The following NCOA2 variants were observed in gnomAD, a reference collection of about 807,000 sequenced individuals.
The protein encoded by NCOA2 is class E basic helix-loop-helix protein 75.
A neutral mutation model predicts 145.1 loss-of-function variants in NCOA2; 21 were observed. The observed-to-expected ratio is 0.14, with a 90% CI of 0.10 to 0.21. The LOEUF is 0.21. Among genes scored for constraint, NCOA2 ranks in the 10% least tolerant of loss-of-function variants. NCOA2 has a pLI of 1.00. For missense variants in NCOA2, 1,472 were observed against 1,837.6 expected (o/e 0.80, Z 3.64); for synonymous variants, 619 against 637.5 (o/e 0.97, Z 0.44).
At chr8:70,157,744 G>A (rs1005596325) in intron 10 of NCOA2, among the ~76,000 whole-genome samples, 1 of 152,140 alleles carries the variant, frequency 6.6e-6, no homozygotes, top group Non-Finnish European at 1.5e-5. Flanking sequence ...ACTGTTAAAA[G>A]AGAAACTCTG....
chr8:70,450,320 A>G, the NCOA2 span, among the ~76,000 whole-genome samples: 2 of 152,208 alleles, frequency 1.3e-5, no homozygotes, highest in Admixed American at 6.5e-5. Context: ...TGTGAATGGG[A>G]TTAGGGTCCT....
chr8:70,216,537 C>T (rs1819636470), intron 3 of NCOA2, 123 bp downstream of exon 3: 4 of 751,384 alleles, frequency 5.3e-6, no homozygotes, highest in Admixed American at 2.1e-5. Flanking sequence ...AGAGATTTAA[C>T]TGTTAAGGAG....
the NCOA2 span, among the ~76,000 whole-genome samples, chr8:70,442,144 A>AAAGAAAGG: frequency 4.3e-3 from 551 of 128,484 alleles, 2 homozygotes; most frequent in African/African-American, 0.016. Context: ...AGAAAGAAAG[A>AAAGAAAGG]AAGAAAGAAA....
At chr8:70,353,313 A>C (rs904169368) in intron 1 of NCOA2, among the ~76,000 whole-genome samples, 1 of 151,290 alleles carries the variant, frequency 6.6e-6, no homozygotes, top group Middle Eastern at 3.4e-3. Context: ...GCAGTGGCAC[A>C]ATCACAGCTC....
intron 2 of NCOA2, among the ~76,000 whole-genome samples, chr8:70,276,016 A>T (rs1825438177): frequency 6.6e-6 from 1 of 152,206 alleles, no homozygotes; most frequent in South Asian, 2.1e-4. Flanking sequence ...AAACATCTAG[A>T]ATTGTTCCTC....
intron 2 of NCOA2, among the ~76,000 whole-genome samples, chr8:70,288,361 C>T (rs536454962): frequency 6.6e-6 from 1 of 152,128 alleles, no homozygotes; most frequent in Admixed American, 6.5e-5. Flanking sequence ...GGCAGATCCC[C>T]TGAGGTTAGG....
At chr8:70,301,849 G>C (rs1827532451) in intron 1 of NCOA2, among the ~76,000 whole-genome samples, 1 of 151,824 alleles carries the variant, frequency 6.6e-6, no homozygotes, top group Non-Finnish European at 1.5e-5. Flanking sequence ...AAGCCAGCCA[G>C]ACAGACTGGC....
At chr8:70,120,231 A>G (rs895684674) in intron 22 of NCOA2, among the ~76,000 whole-genome samples, 1 of 152,190 alleles carries the variant, frequency 6.6e-6, no homozygotes, top group African/African-American at 2.4e-5. Flanking sequence ...AGGATTTTTT[A>G]AAAAAGAGCT....
intron 4 of NCOA2, among the ~76,000 whole-genome samples, chr8:70,177,814 T>C (rs2132859473): frequency 6.6e-6 from 1 of 152,328 alleles, no homozygotes; most frequent in African/African-American, 2.4e-5. Context: ...AAGGCAACCC[T>C]GTGCCTATCG....
At chr8:70,200,917 G>C (rs1220929455) in intron 4 of NCOA2, among the ~76,000 whole-genome samples, 1 of 151,734 alleles carries the variant, frequency 6.6e-6, no homozygotes, top group African/African-American at 2.4e-5. Context: ...ATGTGGTGTT[G>C]TACACCTGTG....
chr8:70,282,581 G>A (rs868052021), intron 2 of NCOA2, among the ~76,000 whole-genome samples: 4 of 151,896 alleles, frequency 2.6e-5, no homozygotes, highest in African/African-American at 7.3e-5. Flanking sequence ...CCAGCTACTC[G>A]GGAGGCTGAG....
At chr8:70,419,115 A>C in the NCOA2 span, among the ~76,000 whole-genome samples, 136 of 152,062 alleles carry the variant, frequency 8.9e-4, no homozygotes, top group African/African-American at 2.6e-3. Context: ...AAAAAAAAAA[A>C]AACTAGATAT....
chr8:70,417,291 G>C, the NCOA2 span, among the ~76,000 whole-genome samples: 1 of 143,072 alleles, frequency 7.0e-6, no homozygotes, highest in Non-Finnish European at 1.5e-5. Context: ...GCTCATGCCT[G>C]TAATCCCAGC....
At chr8:70,398,632 G>A (rs1813918860) in intron 1 of NCOA2, among the ~76,000 whole-genome samples, 1 of 152,154 alleles carries the variant, frequency 6.6e-6, no homozygotes, top group African/African-American at 2.4e-5. Context: ...TCAAAGTAAA[G>A]ATGTTTTCTT....
chr8:70,405,413 A>G (rs1039296734), upstream of NCOA2, among the ~76,000 whole-genome samples: 4 of 71,446 alleles, frequency 5.6e-5, no homozygotes, highest in Admixed American at 1.7e-4. Flanking sequence ...TGCATTGACT[A>G]TGTATTAATG....
intron 2 of NCOA2, among the ~76,000 whole-genome samples, chr8:70,257,290 G>A (rs1823711553): frequency 6.6e-6 from 1 of 152,182 alleles, no homozygotes; most frequent in East Asian, 1.9e-4. Flanking sequence ...ACAGTATATT[G>A]AAGGAGAAAG....
intron 2 of NCOA2, among the ~76,000 whole-genome samples, chr8:70,229,528 A>T (rs1820951254): frequency 1.3e-5 from 2 of 152,186 alleles, no homozygotes; most frequent in East Asian, 3.9e-4. Flanking sequence ...CAGTTACTAA[A>T]GAGTGAGACA....
Position 70,148,240 on chromosome 8 carries a change from T to C in NCOA2, c.2605+33A>G, listed in dbSNP as rs764734726. ...TTTCTGATAGTGATTATATGGAAATTTCTTGGCATAACCAGCCATTTCTCA... is the reference window on the plus strand; with the variant it reads ...TTTCTGATAGTGATTATATGGAAATCTCTTGGCATAACCAGCCATTTCTCA... On this transcript the variant is annotated intron_variant, in intron 12 of 22. Coordinates refer to ENST00000452400, the MANE Select transcript of NCOA2 (RefSeq NM_006540.4). The C allele has an allele frequency of 3.1e-6, 5 of 1,590,364 alleles. No individual in the cohort carries two copies. In the Admixed American group the frequency reaches 8.3e-5, roughly 27 times the overall value.
At chr8:70,313,892 C>G (rs1347594086) in intron 1 of NCOA2, among the ~76,000 whole-genome samples, 1 of 152,030 alleles carries the variant, frequency 6.6e-6, no homozygotes, top group Non-Finnish European at 1.5e-5. Flanking sequence ...AACTGCTGGC[C>G]GGGCAAGGCG....
Sources: allele counts gnomAD v4.1 joint callset (sites outside exome capture counted in the v4.1 genomes callset), GRCh38; gene constraint gnomAD v4.1.1; transcripts MANE v1.5; gene names NCBI Gene and HGNC (gene_info 2026-07-23, HGNC 2026-07-21).